GALNTL6: variants seen among roughly 807,000 people sequenced by gnomAD.
The protein encoded by GALNTL6 is polypeptide N-acetylgalactosaminyltransferase like 6, also known as polypeptide N-acetylgalactosaminyltransferase-like 6.
In GALNTL6, 46 loss-of-function variants were observed where a neutral mutation model predicts 73.7. That is an observed-to-expected ratio of 0.62 (90% CI 0.49 to 0.80). GALNTL6 has a LOEUF of 0.80. Ranked by LOEUF, GALNTL6 falls within the 30% of genes least tolerant of loss-of-function variation. The pLI is 0.00. For missense variants in GALNTL6, 604 were observed against 755.0 expected (o/e 0.80, Z 2.34); for synonymous variants, 259 against 263.7 (o/e 0.98, Z 0.17).
chr4:172,920,112 A>G (rs1747722055), intron 8 of GALNTL6, among the ~76,000 whole-genome samples: 1 of 152,210 alleles, frequency 6.6e-6, no homozygotes, highest in Non-Finnish European at 1.5e-5. Context: ...AATTCTAAGC[A>G]GATAACTCAA....
rs2111094881 is a variant in GALNTL6, at chr4:172,288,571, CT to C, written c.248-23041del. Among the ~76,000 whole-genome samples the C allele has an allele frequency of 1.3e-5, 2 of 152,058 alleles. 1 individual carries two copies. Among genetic ancestry groups the C allele is most frequent in the South Asian group, 4.2e-4 (2 of 4,810 alleles). On this transcript the variant is annotated intron_variant, in intron 3 of 12. Coordinates refer to ENST00000506823, the MANE Select transcript of GALNTL6 (RefSeq NM_001034845.3). Reference sequence around the variant, plus strand: ...TAGAACCTTCTTACTATGTAAACACCTTACCTTAATTCGTTTCCCTAGTTAT... The same window carrying C: ...TAGAACCTTCTTACTATGTAAACACCTACCTTAATTCGTTTCCCTAGTTAT...
intron 5 of GALNTL6, among the ~76,000 whole-genome samples, chr4:172,454,246 C>T (rs1164417096): frequency 6.6e-6 from 1 of 152,202 alleles, no homozygotes; most frequent in African/African-American, 2.4e-5. Flanking sequence ...TGATCTCCCA[C>T]CTCCATCCTT....
chr4:172,645,207 G>T (rs1345588142), intron 5 of GALNTL6, among the ~76,000 whole-genome samples: 1 of 151,794 alleles, frequency 6.6e-6, no homozygotes. Flanking sequence ...TAATAAAGGT[G>T]AATTTATTCA....
In GALNTL6 at chr4:172,247,008, G is replaced by A. The variant is rs1184860624; in HGVS notation, c.247+17244G>A. Among the ~76,000 whole-genome samples the A allele has an allele frequency of 4.6e-5, 7 of 151,730 alleles. 1 individual carries two copies. The East Asian group carries it at 9.7e-4, about 21-fold the overall frequency. ...TTAACATTTATAACACATGTGATCCGAATTTCCCTGTGCCTCACCCATCTA... is the reference window on the plus strand; with the variant it reads ...TTAACATTTATAACACATGTGATCCAAATTTCCCTGTGCCTCACCCATCTA... On this transcript the variant is annotated intron_variant, in intron 3 of 12. Transcript: ENST00000506823.
intron 2 of GALNTL6, among the ~76,000 whole-genome samples, chr4:172,168,487 T>C (rs1393832852): frequency 6.6e-6 from 1 of 152,154 alleles, no homozygotes; most frequent in Non-Finnish European, 1.5e-5. Flanking sequence ...CGGATGATGA[T>C]GATGATGGTG....
intron 3 of GALNTL6, among the ~76,000 whole-genome samples, chr4:172,289,519 A>T (rs1739387302): frequency 1.3e-5 from 2 of 152,234 alleles, no homozygotes; most frequent in South Asian, 4.1e-4. Flanking sequence ...TCTTAATGAC[A>T]ACAATTATTT....
chr4:172,289,361 C>A (rs1021267591), intron 3 of GALNTL6, among the ~76,000 whole-genome samples: 1 of 152,174 alleles, frequency 6.6e-6, no homozygotes, highest in Admixed American at 6.5e-5. Context: ...TAATGAGCTT[C>A]TCTTTCAGGG....
chr4:172,534,422 G>A (rs1735273359), intron 5 of GALNTL6, among the ~76,000 whole-genome samples: 1 of 152,146 alleles, frequency 6.6e-6, no homozygotes, highest in Non-Finnish European at 1.5e-5. Flanking sequence ...TTTATTTTCT[G>A]TGAAAGCAGC....
intron 5 of GALNTL6, among the ~76,000 whole-genome samples, chr4:172,637,546 C>G (rs901053945): frequency 6.6e-5 from 10 of 152,122 alleles, no homozygotes; most frequent in African/African-American, 2.4e-4. Flanking sequence ...TAAGCAATTT[C>G]AAGTTTATTA....
At chr4:172,900,697 G>A (rs1240400204) in intron 8 of GALNTL6, among the ~76,000 whole-genome samples, 1 of 151,896 alleles carries the variant, frequency 6.6e-6, no homozygotes, top group Admixed American at 6.6e-5. Flanking sequence ...GAAATTCAAG[G>A]GATATTTTTT....
intron 5 of GALNTL6, among the ~76,000 whole-genome samples, chr4:172,454,013 C>T (rs1349402411): frequency 1.3e-5 from 2 of 152,332 alleles, no homozygotes; most frequent in African/African-American, 2.4e-5. Flanking sequence ...GAACATCCTA[C>T]AGGCAAGCAT....
intron 2 of GALNTL6, among the ~76,000 whole-genome samples, chr4:172,165,068 T>A (rs6811345): frequency 6.6e-6 from 1 of 151,792 alleles, no homozygotes; most frequent in African/African-American, 2.4e-5. Flanking sequence ...AAAATACAAT[T>A]CCAAACAACT....
At chr4:172,736,227 G>A (rs997899390) in intron 5 of GALNTL6, among the ~76,000 whole-genome samples, 12 of 152,280 alleles carry the variant, frequency 7.9e-5, no homozygotes, top group Admixed American at 2.0e-4. Flanking sequence ...GGTGACCAGC[G>A]TGTATTTCAT....
At chr4:172,375,202 C>G (rs1208929220) in intron 5 of GALNTL6, among the ~76,000 whole-genome samples, 1 of 152,130 alleles carries the variant, frequency 6.6e-6, no homozygotes, top group Non-Finnish European at 1.5e-5. Flanking sequence ...TGTATTCTCC[C>G]TCAATGAAAA....
chr4:172,607,596 A>G (rs1225963802), intron 5 of GALNTL6, among the ~76,000 whole-genome samples: 2 of 152,102 alleles, frequency 1.3e-5, no homozygotes. Context: ...AATGATTTCT[A>G]TTCCTTTGGG....
At chr4:172,705,641 G>T (rs897363271) in intron 5 of GALNTL6, among the ~76,000 whole-genome samples, 3 of 151,782 alleles carry the variant, frequency 2.0e-5, no homozygotes, top group African/African-American at 7.3e-5. Context: ...TTTGCCTCCA[G>T]ATTGAAGAAC....
At chr4:171,942,420 C>T (rs1738579301) in intron 2 of GALNTL6, among the ~76,000 whole-genome samples, 1 of 151,874 alleles carries the variant, frequency 6.6e-6, no homozygotes, top group African/African-American at 2.4e-5. Context: ...TTACTTTCAT[C>T]TTAAACAAAA....
At chr4:172,057,883 A>T (rs1462564843) in intron 2 of GALNTL6, among the ~76,000 whole-genome samples, 5 of 151,432 alleles carry the variant, frequency 3.3e-5, no homozygotes, top group Non-Finnish European at 7.4e-5. Flanking sequence ...TATTATGTGG[A>T]TACACACTTA....
At chr4:172,838,686 A>G (rs1743043870) in intron 7 of GALNTL6, among the ~76,000 whole-genome samples, 1 of 152,210 alleles carries the variant, frequency 6.6e-6, no homozygotes, top group Non-Finnish European at 1.5e-5. Context: ...TAGAAATAGC[A>G]TGCTTTCCCC....
Sources: gnomAD v4.1 joint callset for allele counts (sites outside exome capture counted in the v4.1 genomes callset) on GRCh38, gnomAD v4.1.1 for gene constraint, MANE v1.5 for transcripts, NCBI Gene and HGNC (gene_info 2026-07-23, HGNC 2026-07-21) for gene names.